Variants in RAPGEF4 observed in about 807,000 individuals in gnomAD.
RAPGEF4 encodes the protein Rap guanine nucleotide exchange factor 4, also known as RAP guanine-nucleotide-exchange factor (GEF) 4.
In RAPGEF4, 66 loss-of-function variants were observed where a neutral mutation model predicts 147.9. The observed-to-expected ratio is 0.45, with a 90% CI of 0.37 to 0.55. The LOEUF (loss-of-function observed/expected upper bound fraction) is 0.55. Among genes scored for constraint, RAPGEF4 ranks in the 20% least tolerant of loss-of-function variants. The pLI is 0.00. For missense variants in RAPGEF4, 1,071 were observed against 1,257.3 expected (o/e 0.85, Z 2.24); for synonymous variants, 419 against 442.7 (o/e 0.95, Z 0.67).
chr2:172,956,626 C>A (rs973129697), intron 6 of RAPGEF4, among the ~76,000 whole-genome samples: 1 of 152,006 alleles, frequency 6.6e-6, no homozygotes, highest in Non-Finnish European at 1.5e-5. Context: ...CCCGCCACCA[C>A]GCCCGGCTAA....
chr2:173,021,684 G>C (rs981101631), intron 23 of RAPGEF4, among the ~76,000 whole-genome samples: 56 of 152,198 alleles, frequency 3.7e-4, no homozygotes, highest in Non-Finnish European at 2.9e-5. Context: ...TGCATGAGTA[G>C]GTTTCAAGTT....
rs1392179301 is a variant in RAPGEF4 at position 172,923,442 on chromosome 2, A to AT, written c.537+1147dup. 2.0e-5 allele frequency among the ~76,000 whole-genome samples: 3 copies of AT among 152,008 alleles called. No individual in the cohort carries two copies. The East Asian group carries it at 5.8e-4, about 29-fold the overall frequency. On this transcript the variant is annotated intron_variant, in intron 6 of 30. Coordinates refer to ENST00000397081, the MANE Select transcript of RAPGEF4 (RefSeq NM_007023.4). ...CACCACCACACCCAGCCAATTTTTT[A>AT]TTTTTAGTAGAGATGGGGTTTTACC... is the stretch of plus-strand genomic sequence containing the variant.
At chr2:172,841,157 A>T (rs745703187) in intron 4 of RAPGEF4, among the ~76,000 whole-genome samples, 2 of 152,148 alleles carry the variant, frequency 1.3e-5, no homozygotes, top group Non-Finnish European at 2.9e-5. Flanking sequence ...GGCCTGTGGA[A>T]GGTGTTTGGC....
chr2:172,868,144 T>A (rs1694831868), intron 4 of RAPGEF4, among the ~76,000 whole-genome samples: 1 of 152,182 alleles, frequency 6.6e-6, no homozygotes, highest in Non-Finnish European at 1.5e-5. Context: ...CAGATTGGAA[T>A]CACATGAAGA....
chr2:172,932,241 GCTCATTCA>G (rs1686073085), intron 6 of RAPGEF4, among the ~76,000 whole-genome samples: 1 of 152,172 alleles, frequency 6.6e-6, no homozygotes, highest in African/African-American at 2.4e-5. Context: ...AAAATAACCA[GCTCATTCA>G]CTCATTCATC....
chr2:172,806,228 AAAG>A (rs1342666279), intron 3 of RAPGEF4, among the ~76,000 whole-genome samples: 1 of 152,192 alleles, frequency 6.6e-6, no homozygotes, highest in Admixed American at 6.5e-5. Context: ...CAGTCATAGG[AAAG>A]AAGAATTTCA....
chr2:173,006,895 G>A (rs1335594778), intron 17 of RAPGEF4, among the ~76,000 whole-genome samples: 1 of 152,144 alleles, frequency 6.6e-6, no homozygotes, highest in African/African-American at 2.4e-5. Context: ...TGATCCATAT[G>A]TCACCGTCAG....
intron 1 of RAPGEF4, among the ~76,000 whole-genome samples, chr2:172,774,635 T>C (rs1683980531): frequency 6.6e-6 from 1 of 152,240 alleles, no homozygotes; most frequent in Non-Finnish European, 1.5e-5. Context: ...CCTTCTCTAC[T>C]CACTCTTATC....
chr2:172,859,856 AAGAC>A (rs1693829572), intron 4 of RAPGEF4, among the ~76,000 whole-genome samples: 1 of 152,154 alleles, frequency 6.6e-6, no homozygotes, highest in Non-Finnish European at 1.5e-5. Context: ...CCTTTGAACT[AAGAC>A]AGTCTTGCTG....
chr2:172,874,468 A>G (rs1695638262), intron 4 of RAPGEF4, among the ~76,000 whole-genome samples: 1 of 151,934 alleles, frequency 6.6e-6, no homozygotes, highest in Non-Finnish European at 1.5e-5. Flanking sequence ...CTCATTGTTC[A>G]ATTCCCGCCT....
At chr2:172,750,106 GTCT>G (rs1695133594) in intron 1 of RAPGEF4, among the ~76,000 whole-genome samples, 1 of 151,982 alleles carries the variant, frequency 6.6e-6, no homozygotes, top group Non-Finnish European at 1.5e-5. Context: ...ACATTTTCCT[GTCT>G]TCTTCTGAGC....
intron 1 of RAPGEF4, among the ~76,000 whole-genome samples, chr2:172,743,770 G>A (rs1694521381): frequency 6.6e-6 from 1 of 151,982 alleles, no homozygotes; most frequent in South Asian, 2.1e-4. Flanking sequence ...TCTTCTTTCT[G>A]CCTGGAGTTA....
chr2:172,831,552 A>G (rs1229836857), intron 4 of RAPGEF4, among the ~76,000 whole-genome samples: 2 of 151,966 alleles, frequency 1.3e-5, no homozygotes, highest in Non-Finnish European at 2.9e-5. Context: ...TACAGGCGTG[A>G]GCCACCGTGC....
At position 172,801,336 on chromosome 2, in the gene RAPGEF4, T is replaced by C. The variant is rs182093566; in HGVS notation, c.297+3723T>C. ...GAGGTGATGGCACAGAGTCAAGTCT[T>C]TCAGGGAGGATGGGGCAGAGTTTCT... On this transcript the variant is annotated intron_variant, in intron 3 of 30. Transcript: ENST00000397081. Among the ~76,000 whole-genome samples the C allele has an allele frequency of 4.7e-3, 718 of 152,268 alleles. 7 individuals carry two copies. Among genetic ancestry groups the C allele is most frequent in the Non-Finnish European group, 7.3e-3 (499 of 68,020 alleles).
chr2:172,879,184 A>G (rs1430758730), intron 4 of RAPGEF4, among the ~76,000 whole-genome samples: 2 of 152,216 alleles, frequency 1.3e-5, no homozygotes, highest in Non-Finnish European at 1.5e-5. Context: ...GGACTAGTTA[A>G]GTAAATCATA....
chr2:172,763,624 C>T (rs1350449390), intron 1 of RAPGEF4, among the ~76,000 whole-genome samples: 3 of 152,052 alleles, frequency 2.0e-5, no homozygotes, highest in African/African-American at 7.2e-5. Flanking sequence ...TTCAAGAAGC[C>T]CCCCATGTAG....
Position 172,753,214 on chromosome 2 carries a change from A to G in RAPGEF4, c.65+17166A>G, listed in dbSNP as rs560225666. ...TATCATAAAGTGGTTGATTTGCAAA[A>G]CTGAAATAATTTTAAAATGTATATA... On this transcript the variant is annotated intron_variant, in intron 1 of 30. Coordinates refer to ENST00000397081, the MANE Select transcript of RAPGEF4 (RefSeq NM_007023.4). Among the ~76,000 whole-genome samples the G allele has an allele frequency of 6.6e-5, 10 of 152,262 alleles. 1 individual carries two copies. The South Asian group carries it at 1.2e-3, about 19-fold the overall frequency.
Position 173,014,320 on chromosome 2 carries a change from G to A in RAPGEF4, c.1659-144G>A. 6 of 969,470 alleles carry A rather than the reference G, an allele frequency of 6.2e-6. No individual in the cohort carries two copies. The South Asian group carries it at 9.1e-5, about 15-fold the overall frequency. 60.1% of individuals were successfully genotyped at this position (969,470 alleles called of 1,614,324 possible). Reference sequence around the variant, plus strand: ...CATTCGGCACAGACACTTTCTGTGGGGTTTTTCATGAGGGCCTAGGGGAGG... The same window carrying A: ...CATTCGGCACAGACACTTTCTGTGGAGTTTTTCATGAGGGCCTAGGGGAGG... On this transcript the variant is annotated intron_variant, in intron 17 of 30. Coordinates refer to ENST00000397081, the MANE Select transcript of RAPGEF4 (RefSeq NM_007023.4).
At position 172,828,397 on chromosome 2, in the gene RAPGEF4, G is replaced by A. The variant is rs146185983; in HGVS notation, c.444+13972G>A. 1.7e-4 allele frequency among the ~76,000 whole-genome samples: 26 copies of A among 152,288 alleles called. 1 individual carries two copies. Among genetic ancestry groups the A allele is most frequent in the African/African-American group, 5.3e-4 (22 of 41,556 alleles). On this transcript the variant is annotated intron_variant, in intron 4 of 30. Transcript: ENST00000397081. ...AGGGGTCATAACAGCCCCTCAGTGT[G>A]AGGGACAATCTTCTCTCATCCTCAG...
Sources: allele counts gnomAD v4.1 joint callset (sites outside exome capture counted in the v4.1 genomes callset), GRCh38; gene constraint gnomAD v4.1.1; transcripts MANE v1.5; gene names NCBI Gene and HGNC (gene_info 2026-07-23, HGNC 2026-07-21).